The following CFAP206 variants were observed in gnomAD, a reference collection of about 807,000 sequenced individuals.
The protein encoded by CFAP206 is cilia and flagella associated protein 206, also known as cilia- and flagella-associated protein 206.
CFAP206 carries 53 observed loss-of-function variants against 65.4 expected under a neutral mutation model. That is an observed-to-expected ratio of 0.81 (90% CI 0.65 to 1.02). The LOEUF (loss-of-function observed/expected upper bound fraction) is 1.02, where lower values mean the gene tolerates loss of function less well. CFAP206 is among the 50% of genes least tolerant of loss of function. The pLI, the probability that CFAP206 is intolerant of heterozygous loss-of-function variation, is 0.00. For synonymous variants in CFAP206, 250 were observed against 254.4 expected, an observed-to-expected ratio of 0.98 and a Z score of 0.17; for missense variants, 663 against 753.2, an observed-to-expected ratio of 0.88 and a Z score of 1.40.
At chr6:87,423,538 C>G (rs1392416891) in intron 7 of CFAP206, among the ~76,000 whole-genome samples, 1 of 151,770 alleles carries the variant, frequency 6.6e-6, no homozygotes. Flanking sequence ...CGTGAGCCAC[C>G]GCGCCCGGCC....
intron 7 of CFAP206, among the ~76,000 whole-genome samples, chr6:87,422,301 T>C (rs899146923): frequency 1.3e-5 from 2 of 149,132 alleles, no homozygotes; most frequent in African/African-American, 2.5e-5. Flanking sequence ...GTACAAAAAA[T>C]TAGCCAGGCA....
At chr6:87,459,513 C>A (rs1768705168) in intron 11 of CFAP206, among the ~76,000 whole-genome samples, 1 of 152,064 alleles carries the variant, frequency 6.6e-6, no homozygotes, top group Non-Finnish European at 1.5e-5. Flanking sequence ...TAAGAGTAAT[C>A]TATTCATTAA....
chr6:87,425,331 A>G (rs1404434975), intron 7 of CFAP206, among the ~76,000 whole-genome samples: 2 of 152,244 alleles, frequency 1.3e-5, no homozygotes, highest in African/African-American at 4.8e-5. Context: ...CCAGTTCACT[A>G]CCTTTAATAA....
At chr6:87,412,268 A>C (rs1266096129) in intron 3 of CFAP206, among the ~76,000 whole-genome samples, 3 of 152,220 alleles carry the variant, frequency 2.0e-5, no homozygotes, top group Admixed American at 2.0e-4. Context: ...GGAGGGATCC[A>C]GGTGCACAGG....
intron 11 of CFAP206, among the ~76,000 whole-genome samples, chr6:87,452,412 C>T (rs937258496): frequency 3.3e-4 from 50 of 152,132 alleles, no homozygotes; most frequent in African/African-American, 2.4e-4. Context: ...AACTTGTCAG[C>T]GCCCAGACAT....
chr6:87,429,171 G>A (rs1768111172), intron 9 of CFAP206, among the ~76,000 whole-genome samples: 1 of 151,244 alleles, frequency 6.6e-6, no homozygotes, highest in East Asian at 1.9e-4. Flanking sequence ...AGGTTGCAGT[G>A]AGCCAAGATT....
intron 4 of CFAP206, among the ~76,000 whole-genome samples, chr6:87,414,193 A>G (rs1396944885): frequency 6.6e-6 from 1 of 152,254 alleles, no homozygotes; most frequent in African/African-American, 2.4e-5. Context: ...TTTAATTTAT[A>G]GATTTTCTTG....
intron 11 of CFAP206, among the ~76,000 whole-genome samples, chr6:87,450,947 C>T (rs1768532228): frequency 6.6e-6 from 1 of 152,186 alleles, no homozygotes. Flanking sequence ...CCTGTCATAG[C>T]ATAAAGCAGT....
chr6:87,428,587 A>C (rs1768095141), intron 8 of CFAP206, 39 bp from the exon 9 acceptor site: 1 of 1,525,352 alleles, frequency 6.6e-7, no homozygotes, highest in Non-Finnish European at 9.1e-7. Context: ...TAATTTTATT[A>C]CACAGTTGCA....
chr6:87,426,554 T>G lies in CFAP206; in HGVS notation c.869T>G (p.Val290Gly), dbSNP rs780136250. 1 of 1,594,196 alleles carries G rather than the reference T, an allele frequency of 6.3e-7. No individual in the cohort carries two copies. Among genetic ancestry groups the G allele is most frequent in the South Asian group, 1.1e-5 (1 of 87,066 alleles). The change falls in exon 8 of 13, where the codon GTG becomes GGG. Residue 290 changes from valine (V) to glycine (G), a missense_variant. Coordinates refer to ENST00000369562, the MANE Select transcript of CFAP206 (RefSeq NM_001031743.3). ...GATATAATTACTGGTGCTCAAGAAGTGGAAATGATGACAAAACAGTTAGGA... is the reference window on the plus strand; with the variant it reads ...GATATAATTACTGGTGCTCAAGAAGGGGAAATGATGACAAAACAGTTAGGA... ...LSDIITGAQE[V>G]EMMTKQLGAH...
chr6:87,446,401 A>G (rs1768441961), intron 11 of CFAP206, among the ~76,000 whole-genome samples: 1 of 152,192 alleles, frequency 6.6e-6, no homozygotes, highest in Non-Finnish European at 1.5e-5. Context: ...GGTGTAAGGA[A>G]GGGGTCCAGT....
chr6:87,431,503 C>T lies in CFAP206; in HGVS notation c.1300+330C>T, dbSNP rs141166578. On this transcript the variant is annotated intron_variant, in intron 10 of 12. Transcript: ENST00000369562. ...GACATTGGCTGCATGCAGTGGCTCA[C>T]GCCTATAATTCCAGCACTTTGGGAG... 5.1e-3 allele frequency among the ~76,000 whole-genome samples: 778 copies of T among 152,314 alleles called. 6 individuals are homozygous for T. Among genetic ancestry groups the T allele is most frequent in the African/African-American group, 0.018 (737 of 41,558 alleles).
intron 7 of CFAP206, among the ~76,000 whole-genome samples, chr6:87,420,245 CTTCACA>C (rs1183858628): frequency 1.3e-5 from 2 of 152,158 alleles, no homozygotes; most frequent in African/African-American, 4.8e-5. Flanking sequence ...AGGAGTAGAA[CTTCACA>C]TTCACATTTG....
rs751843929 is a variant in CFAP206 at position 87,461,093 on chromosome 6, C to G, written c.1566C>G (p.His522Gln). The change falls in exon 12 of 13, where the codon CAC (histidine) becomes CAG (glutamine). Residue 522 changes from histidine to glutamine, a missense_variant. Physicochemically the swap from His to Gln is conservative, Grantham distance 24. Transcript: ENST00000369562. ...AAAGTAGCACACAGACGAATACACA[C>G]ATACTGCCACCAACGATTGTGAGAT... ...KCESSTQTNT[H>Q]ILPPTIVRSY... 1.3e-6 allele frequency: 2 copies of G among 1,593,398 alleles called. No individual in the cohort carries two copies. The highest frequency in any genetic ancestry group is 1.7e-6 in the Non-Finnish European group (2 of 1,172,794).
At chr6:87,434,383 G>A (rs1369766297) in intron 10 of CFAP206, among the ~76,000 whole-genome samples, 3 of 146,932 alleles carry the variant, frequency 2.0e-5, no homozygotes, top group Admixed American at 6.8e-5. Flanking sequence ...TTGATAAGAC[G>A]CAGTCTTATC....
Position 87,423,729 on chromosome 6 carries a change from G to GA in CFAP206, c.841-2791dup, listed in dbSNP as rs556581257. On this transcript the variant is annotated intron_variant, in intron 7 of 12. Coordinates refer to ENST00000369562, the MANE Select transcript of CFAP206 (RefSeq NM_001031743.3). ...AAAACAAAACTTAACAAGCAAGGGG[G>GA]AAAAAACTCTATGAGGGTAGACAAG... 7.2e-5 allele frequency among the ~76,000 whole-genome samples: 11 copies of GA among 152,240 alleles called. No homozygotes were observed. In the South Asian group the frequency reaches 1.2e-3, roughly 17 times the overall value.
rs374172254 is a variant in CFAP206, at chr6:87,418,196, T to G, written c.632-12T>G. 199 of 1,613,728 alleles carry G rather than the reference T, an allele frequency of 1.2e-4. 3 individuals carry two copies. In the South Asian group the frequency reaches 1.5e-3, roughly 12 times the overall value. ...CTCCTTTATGGCTGCCTTTTCATACTCTTACAAACAGTGCCAGCTGTTCTC... is the reference window on the plus strand; with the variant it reads ...CTCCTTTATGGCTGCCTTTTCATACGCTTACAAACAGTGCCAGCTGTTCTC... On this transcript the variant is annotated splice_polypyrimidine_tract_variant and intron_variant, in intron 6 of 12. Coordinates refer to ENST00000369562, the MANE Select transcript of CFAP206 (RefSeq NM_001031743.3).
chr6:87,447,143 GAC>G (rs1474988581), intron 11 of CFAP206, among the ~76,000 whole-genome samples: 3 of 152,072 alleles, frequency 2.0e-5, no homozygotes, highest in African/African-American at 7.3e-5. Context: ...TCTGGAAACA[GAC>G]AGTTTTACTT....
chr6:87,454,485 CA>C (rs1768601619), intron 11 of CFAP206, among the ~76,000 whole-genome samples: 1 of 152,134 alleles, frequency 6.6e-6, no homozygotes, highest in African/African-American at 2.4e-5. Context: ...TGTTAGGCCA[CA>C]AAAGAAATCT....
Sources: gnomAD v4.1 joint callset for allele counts (sites outside exome capture counted in the v4.1 genomes callset) on GRCh38, gnomAD v4.1.1 for gene constraint, MANE v1.5 for transcripts, NCBI Gene and HGNC (gene_info 2026-07-23, HGNC 2026-07-21) for gene names.